The following VGLL3 variants were observed in gnomAD, a reference collection of about 807,000 sequenced individuals.
The protein encoded by VGLL3 is vestigial like family member 3.
VGLL3 carries 18 observed loss-of-function variants against 29.2 expected under a neutral mutation model. The observed-to-expected ratio is 0.62, with a 90% CI of 0.43 to 0.91. The LOEUF is 0.91. VGLL3 is among the 40% of genes least tolerant of loss of function. The pLI, the probability that VGLL3 is intolerant of heterozygous loss-of-function variation, is 0.00. For synonymous variants in VGLL3, 180 were observed against 151.8 expected (o/e 1.19, Z -1.36); for missense variants, 440 against 413.2 (o/e 1.06, Z -0.56).
At chr3:86,962,862 A>C (rs991523476) in intron 3 of VGLL3, 1 of 164,902 alleles carries the variant, frequency 6.1e-6, no homozygotes, top group African/African-American at 2.4e-5. Flanking sequence ...TATTCAAAAT[A>C]GGGAAGCCAG....
At chr3:86,953,888 G>A (rs1309434236) in intron 3 of VGLL3, among the ~76,000 whole-genome samples, 1 of 151,932 alleles carries the variant, frequency 6.6e-6, no homozygotes, top group African/African-American at 2.4e-5. Context: ...TGCAAATTTT[G>A]AACAATAATT....
chr3:86,967,729 T>G (rs892581024), intron 3 of VGLL3, among the ~76,000 whole-genome samples: 1 of 152,204 alleles, frequency 6.6e-6, no homozygotes, highest in Non-Finnish European at 1.5e-5. Context: ...AGGGATACAA[T>G]GATCAATTTG....
intron 2 of VGLL3, among the ~76,000 whole-genome samples, chr3:86,971,692 G>T (rs186812327): frequency 6.6e-6 from 1 of 152,176 alleles, no homozygotes; most frequent in Non-Finnish European, 1.5e-5. Context: ...AAGGAAAGTC[G>T]TGTAAGTTGT....
chr3:86,990,483 T>C, intron 1 of VGLL3, 135 bp downstream of exon 1: 1 of 1,256,840 alleles, frequency 8.0e-7, no homozygotes. Flanking sequence ...GATGGCTTTC[T>C]GCTCAAGGAC....
chr3:86,967,697 G>A (rs1704992883), intron 3 of VGLL3, among the ~76,000 whole-genome samples: 1 of 152,136 alleles, frequency 6.6e-6, no homozygotes, highest in South Asian at 2.1e-4. Flanking sequence ...AAAAGAACCT[G>A]GGACCCACTA....
intron 3 of VGLL3, among the ~76,000 whole-genome samples, chr3:86,968,040 A>T (rs1705000596): frequency 6.6e-6 from 1 of 152,176 alleles, no homozygotes; most frequent in Non-Finnish European, 1.5e-5. Flanking sequence ...GCAAAGGAGG[A>T]TAAAGTCAGG....
chr3:86,958,516 A>G (rs565973450), intron 3 of VGLL3, among the ~76,000 whole-genome samples: 1 of 152,338 alleles, frequency 6.6e-6, no homozygotes, highest in East Asian at 1.9e-4. Flanking sequence ...AATCTGAGGC[A>G]AATCCCCATA....
intron 2 of VGLL3, among the ~76,000 whole-genome samples, chr3:86,977,569 A>G (rs1232293448): frequency 6.6e-6 from 1 of 152,228 alleles, no homozygotes; most frequent in Admixed American, 6.5e-5. Flanking sequence ...GACTAGATCA[A>G]TGATTATCAA....
intron 3 of VGLL3, among the ~76,000 whole-genome samples, chr3:86,949,709 C>A (rs555798641): frequency 6.6e-6 from 1 of 151,630 alleles, no homozygotes; most frequent in Non-Finnish European, 1.5e-5. Context: ...GCCCTGTAGT[C>A]CCAGCTACTC....
At chr3:86,952,233 C>T (rs933702864) in intron 3 of VGLL3, among the ~76,000 whole-genome samples, 1 of 152,082 alleles carries the variant, frequency 6.6e-6, no homozygotes, top group Non-Finnish European at 1.5e-5. Flanking sequence ...TAAGAATAAA[C>T]ATAATTGATG....
chr3:86,984,345 A>G (rs1559734854), intron 1 of VGLL3, among the ~76,000 whole-genome samples: 1 of 152,156 alleles, frequency 6.6e-6, no homozygotes, highest in Non-Finnish European at 1.5e-5. Context: ...AACCGAAAAT[A>G]ATATAACTTA....
At chr3:86,967,217 A>T (rs563706535) in intron 3 of VGLL3, among the ~76,000 whole-genome samples, 4 of 152,232 alleles carry the variant, frequency 2.6e-5, no homozygotes, top group African/African-American at 9.6e-5. Context: ...GCCTCCTGAG[A>T]CCTGCTGTCC....
At chr3:86,962,937 T>C (rs574834065) in intron 3 of VGLL3, 1 of 146,384 alleles carries the variant, frequency 6.8e-6, no homozygotes, top group South Asian at 1.0e-4. Flanking sequence ...CTACTAAAAA[T>C]ACAAAAAATT....
intron 3 of VGLL3, among the ~76,000 whole-genome samples, chr3:86,952,710 A>G (rs896350938): frequency 3.9e-5 from 6 of 152,144 alleles, no homozygotes; most frequent in Admixed American, 1.3e-4. Context: ...TAAAAAATAG[A>G]TCTCCCCTTT....
rs1190160480 is a variant in VGLL3 at position 86,962,951 on chromosome 3, C to G, written c.937+5639G>C. 2.2e-4 allele frequency: 40 copies of G among 180,002 alleles called. 2 individuals are homozygous for G. The South Asian group carries it at 2.9e-3, about 13-fold the overall frequency. The allele number at this position is 180,002 out of a possible 1,614,324, so 11.2% of individuals were successfully genotyped here. On this transcript the variant is annotated intron_variant, in intron 3 of 3. Coordinates refer to ENST00000398399, the MANE Select transcript of VGLL3 (RefSeq NM_016206.4). ...TCTACTAAAAATACAAAAAATTAGCCGGGCGTGGTGGCAGATGCCTGTAAT... is the reference window on the plus strand; with the variant it reads ...TCTACTAAAAATACAAAAAATTAGCGGGGCGTGGTGGCAGATGCCTGTAAT...
intron 2 of VGLL3, among the ~76,000 whole-genome samples, chr3:86,974,986 CA>C (rs1705178751): frequency 6.6e-6 from 1 of 152,178 alleles, no homozygotes; most frequent in African/African-American, 2.4e-5. Flanking sequence ...ATCTGGCTTT[CA>C]TTTAGCACCT....
chr3:86,969,856 T>C (rs1195486273), intron 2 of VGLL3, among the ~76,000 whole-genome samples: 1 of 151,808 alleles, frequency 6.6e-6, no homozygotes, highest in African/African-American at 2.4e-5. Context: ...GCCTATGGGG[T>C]AGTTATTGTT....
intron 1 of VGLL3, among the ~76,000 whole-genome samples, chr3:86,985,508 A>G (rs996663102): frequency 1.3e-5 from 2 of 152,192 alleles, no homozygotes; most frequent in Non-Finnish European, 2.9e-5. Flanking sequence ...CCTAGTTCAG[A>G]CCACACTTGT....
chr3:86,951,763 C>A (rs370184772), intron 3 of VGLL3, among the ~76,000 whole-genome samples: 1 of 151,272 alleles, frequency 6.6e-6, no homozygotes, highest in Non-Finnish European at 1.5e-5. Flanking sequence ...CGCCTATGTT[C>A]CCCATAATTG....
Sources: allele counts gnomAD v4.1 joint callset (sites outside exome capture counted in the v4.1 genomes callset), GRCh38; gene constraint gnomAD v4.1.1; transcripts MANE v1.5; gene names NCBI Gene and HGNC (gene_info 2026-07-23, HGNC 2026-07-21).